FHIT: variants seen among roughly 807,000 people sequenced by gnomAD.
The protein encoded by FHIT is fragile histidine triad diadenosine triphosphatase, also known as bis(5'-adenosyl)-triphosphatase.
FHIT carries 19 observed loss-of-function variants against 17.9 expected under a neutral mutation model. That is an observed-to-expected ratio of 1.06 (90% CI 0.74 to 1.56). The LOEUF (loss-of-function observed/expected upper bound fraction) is 1.56. FHIT is among the 40% of genes most tolerant of loss of function. The probability of loss-of-function intolerance (pLI) is 0.00; values close to 1 mark genes in which losing one functional copy is unlikely to be tolerated. For missense variants in FHIT, 248 were observed against 189.2 expected (o/e 1.31, Z -1.82); for synonymous variants, 81 against 69.7 (o/e 1.16, Z -0.81).
intron 4 of FHIT, among the ~76,000 whole-genome samples, chr3:60,730,820 A>G (rs1348132468): frequency 2.0e-5 from 3 of 152,282 alleles, no homozygotes; most frequent in East Asian, 1.9e-4. Flanking sequence ...GTCTAGTGTT[A>G]AGAAAAATAA....
intron 8 of FHIT, among the ~76,000 whole-genome samples, chr3:59,802,522 C>G (rs1176564426): frequency 1.3e-5 from 2 of 152,142 alleles, no homozygotes; most frequent in Admixed American, 6.5e-5. Flanking sequence ...AGCTCCCCCA[C>G]TGAGCACCTT....
At position 60,633,141 on chromosome 3, in the gene FHIT, G is replaced by C. The variant is rs913738142; in HGVS notation, c.-17-96162C>G. Among the ~76,000 whole-genome samples the C allele has an allele frequency of 6.6e-5, 10 of 152,140 alleles. No homozygotes were observed. In the East Asian group the frequency reaches 1.9e-3, roughly 29 times the overall value. ...CTGTAAGAAATAAATAACCTTCAAA[G>C]CAATTTAATAAAAAGAAATGTGCCC... On this transcript the variant is annotated intron_variant, in intron 4 of 9. Transcript: ENST00000492590.
intron 5 of FHIT, among the ~76,000 whole-genome samples, chr3:60,273,474 G>T (rs1053894980): frequency 6.6e-6 from 1 of 152,008 alleles, no homozygotes; most frequent in Non-Finnish European, 1.5e-5. Flanking sequence ...GCCAGGGGTG[G>T]TGGCGGGTGC....
intron 5 of FHIT, among the ~76,000 whole-genome samples, chr3:60,093,620 G>A (rs541571778): frequency 3.3e-5 from 5 of 152,278 alleles, no homozygotes; most frequent in South Asian, 2.1e-4. Context: ...GGTGAGTGGC[G>A]GGTGAGCAAG....
chr3:60,425,210 G>T (rs1483015871), intron 5 of FHIT, among the ~76,000 whole-genome samples: 1 of 152,148 alleles, frequency 6.6e-6, no homozygotes, highest in African/African-American at 2.4e-5. Flanking sequence ...AGTGAATACA[G>T]GGCTGACTAT....
chr3:60,300,913 T>C (rs1434617036), intron 5 of FHIT, among the ~76,000 whole-genome samples: 1 of 152,058 alleles, frequency 6.6e-6, no homozygotes, highest in Admixed American at 6.6e-5. Flanking sequence ...CCAGCCCCCA[T>C]TCTCTTTTAC....
At chr3:60,140,991 C>T (rs1303992688) in intron 5 of FHIT, among the ~76,000 whole-genome samples, 1 of 152,124 alleles carries the variant, frequency 6.6e-6, no homozygotes, top group Non-Finnish European at 1.5e-5. Flanking sequence ...TGGTTTCAGT[C>T]TGGTAACACC....
At chr3:59,812,155 A>G (rs1700429587) in intron 8 of FHIT, among the ~76,000 whole-genome samples, 1 of 152,130 alleles carries the variant, frequency 6.6e-6, no homozygotes, top group Non-Finnish European at 1.5e-5. Flanking sequence ...AATGTTGCCA[A>G]ACGATCAGCC....
At chr3:59,856,450 T>C (rs547039696) in intron 8 of FHIT, among the ~76,000 whole-genome samples, 1 of 152,306 alleles carries the variant, frequency 6.6e-6, no homozygotes, top group African/African-American at 2.4e-5. Context: ...TTATTCCCCA[T>C]AGATTCTGTA....
chr3:60,103,720 C>T (rs1704288897), intron 5 of FHIT, among the ~76,000 whole-genome samples: 1 of 152,130 alleles, frequency 6.6e-6, no homozygotes, highest in African/African-American at 2.4e-5. Flanking sequence ...GGTCAGTTAG[C>T]CCTCTGCAAT....
chr3:60,250,147 G>C lies in FHIT; in HGVS notation c.104-235995C>G, dbSNP rs111350032. ...AAAAAGGGGAAAGAGAAAAAAAAGA[G>C]AAGGAAAGGTAGAGGAAGAGAGGCC... On this transcript the variant is annotated intron_variant, in intron 5 of 9. Coordinates refer to ENST00000492590, the MANE Select transcript of FHIT (RefSeq NM_002012.4). Among the ~76,000 whole-genome samples the C allele has an allele frequency of 7.3e-3, 1,118 of 152,170 alleles. 12 individuals are homozygous for C. The highest frequency in any genetic ancestry group is 0.025 in the African/African-American group (1,058 of 41,518).
chr3:60,955,615 T>TACAC (rs1559862343), intron 3 of FHIT, among the ~76,000 whole-genome samples: 11 of 12,368 alleles, frequency 8.9e-4, no homozygotes, highest in Non-Finnish European at 2.8e-3. Context: ...TATATATATA[T>TACAC]ATATATATAT....
intron 5 of FHIT, among the ~76,000 whole-genome samples, chr3:60,311,881 T>C (rs1708963869): frequency 6.6e-6 from 1 of 152,142 alleles, no homozygotes; most frequent in Non-Finnish European, 1.5e-5. Flanking sequence ...TGAAATCAAT[T>C]AGTCCAACCC....
chr3:59,936,475 A>G (rs1159086165), intron 7 of FHIT, among the ~76,000 whole-genome samples: 1 of 152,128 alleles, frequency 6.6e-6, no homozygotes, highest in Non-Finnish European at 1.5e-5. Flanking sequence ...ATGTTTCAAT[A>G]AAATGTATAA....
chr3:60,367,715 T>C (rs1700165916), intron 5 of FHIT, among the ~76,000 whole-genome samples: 1 of 152,194 alleles, frequency 6.6e-6, no homozygotes, highest in African/African-American at 2.4e-5. Flanking sequence ...ATAGAGGTTT[T>C]ACAGTGGATG....
intron 5 of FHIT, among the ~76,000 whole-genome samples, chr3:60,413,867 C>A (rs192963220): frequency 6.6e-6 from 1 of 152,294 alleles, no homozygotes; most frequent in African/African-American, 2.4e-5. Flanking sequence ...TATTTAATAA[C>A]TACCACATGC....
At chr3:60,032,146 T>C (rs1701027668) in intron 5 of FHIT, among the ~76,000 whole-genome samples, 1 of 152,214 alleles carries the variant, frequency 6.6e-6, no homozygotes. Flanking sequence ...TTGCTGTTAA[T>C]ACTGTGTTAA....
chr3:60,931,712 A>AT (rs1707966648), intron 3 of FHIT, among the ~76,000 whole-genome samples: 1 of 152,192 alleles, frequency 6.6e-6, no homozygotes, highest in Admixed American at 6.5e-5. Flanking sequence ...TTTCAGGTTT[A>AT]TCTCTGGGAG....
intron 2 of FHIT, among the ~76,000 whole-genome samples, chr3:61,141,893 G>A (rs2037092768): frequency 6.6e-6 from 1 of 151,364 alleles, no homozygotes; most frequent in South Asian, 2.1e-4. Context: ...CTGCATCACC[G>A]GGATGACTGC....
Sources: gnomAD v4.1 joint callset for allele counts (sites outside exome capture counted in the v4.1 genomes callset) on GRCh38, gnomAD v4.1.1 for gene constraint, MANE v1.5 for transcripts, NCBI Gene and HGNC (gene_info 2026-07-23, HGNC 2026-07-21) for gene names.